The following GRIA2 variants were observed in gnomAD, a reference collection of about 807,000 sequenced individuals.
GRIA2 encodes glutamate ionotropic receptor AMPA type subunit 2.
A neutral mutation model predicts 97.3 loss-of-function variants in GRIA2; 14 were observed. The observed-to-expected ratio is 0.14, with a 90% CI of 0.10 to 0.23. GRIA2 has a LOEUF of 0.23. Ranked by LOEUF, GRIA2 falls within the 10% of genes least tolerant of loss-of-function variation. The pLI is 1.00. For synonymous variants in GRIA2, 412 were observed against 387.8 expected (o/e 1.06, Z -0.73); for missense variants, 558 against 1,069.8 (o/e 0.52, Z 6.67).
chr4:157,262,069 C>T (rs558724036), intron 2 of GRIA2, among the ~76,000 whole-genome samples: 57 of 152,070 alleles, frequency 3.7e-4, no homozygotes, highest in South Asian at 1.7e-3. Flanking sequence ...CCTTTAAGAA[C>T]TTGTTAATTT....
At chr4:157,356,065 ATATTTATATTTATT>A (rs2126988068) in intron 12 of GRIA2, among the ~76,000 whole-genome samples, 1 of 88,624 alleles carries the variant, frequency 1.1e-5, no homozygotes, top group East Asian at 3.6e-4. Context: ...ATATATTTAT[ATATTTATATTTATT>A]TATTTATATA....
chr4:157,345,048 G>A (rs1735710711), intron 12 of GRIA2, among the ~76,000 whole-genome samples: 1 of 151,958 alleles, frequency 6.6e-6, no homozygotes, highest in African/African-American at 2.4e-5. Flanking sequence ...CTGACATGAT[G>A]TTTTTCTTTC....
At chr4:157,354,497 C>T (rs942844638) in intron 12 of GRIA2, among the ~76,000 whole-genome samples, 1 of 152,078 alleles carries the variant, frequency 6.6e-6, no homozygotes, top group South Asian at 2.1e-4. Flanking sequence ...ATTAATAACA[C>T]AAAACCATGG....
At chr4:157,287,806 T>G (rs989469323) in intron 2 of GRIA2, among the ~76,000 whole-genome samples, 4 of 151,714 alleles carry the variant, frequency 2.6e-5, no homozygotes, top group Non-Finnish European at 5.9e-5. Context: ...TTTTCTCCGA[T>G]GAGCCATTAA....
intron 11 of GRIA2, among the ~76,000 whole-genome samples, chr4:157,337,981 G>A (rs1211905743): frequency 1.5e-5 from 2 of 136,846 alleles, no homozygotes; most frequent in Non-Finnish European, 3.1e-5. Flanking sequence ...AATTTGCACA[G>A]CATGACATAT....
At chr4:157,221,511 G>C in intron 1 of GRIA2, 156 bp from the exon 2 acceptor site, 1 of 756,914 alleles carries the variant, frequency 1.3e-6, no homozygotes, top group Non-Finnish European at 2.2e-6. Context: ...GCTAGCTTTT[G>C]GATATTCCAC....
chr4:157,280,824 G>T (rs1342040444), intron 2 of GRIA2, among the ~76,000 whole-genome samples: 2 of 151,890 alleles, frequency 1.3e-5, no homozygotes, highest in African/African-American at 4.8e-5. Flanking sequence ...TTACATGCAG[G>T]CATAAATAAC....
intron 2 of GRIA2, among the ~76,000 whole-genome samples, chr4:157,244,143 G>A (rs1163999702): frequency 6.6e-6 from 1 of 151,898 alleles, no homozygotes; most frequent in Admixed American, 6.6e-5. Context: ...CCCTGGTAGA[G>A]GGAACTAAAT....
chr4:157,310,633 A>G (rs568325883), intron 3 of GRIA2, among the ~76,000 whole-genome samples: 39 of 152,172 alleles, frequency 2.6e-4, no homozygotes, highest in Admixed American at 1.0e-3. Context: ...TATTTTAAAT[A>G]TAATGGTAAT....
intron 6 of GRIA2, among the ~76,000 whole-genome samples, chr4:157,329,716 A>G (rs1198304336): frequency 1.3e-5 from 2 of 151,930 alleles, no homozygotes; most frequent in Non-Finnish European, 2.9e-5. Context: ...AATAACTTAC[A>G]TATATAACAT....
At chr4:157,295,326 A>G (rs897948242) in intron 2 of GRIA2, among the ~76,000 whole-genome samples, 1 of 152,172 alleles carries the variant, frequency 6.6e-6, no homozygotes, top group African/African-American at 2.4e-5. Flanking sequence ...GTGAAACATT[A>G]GATCAAAACG....
intron 2 of GRIA2, among the ~76,000 whole-genome samples, chr4:157,229,652 G>T (rs757719395): frequency 2.0e-5 from 3 of 151,896 alleles, no homozygotes; most frequent in Non-Finnish European, 4.4e-5. Flanking sequence ...TATATTTATG[G>T]TTATGTTAAT....
At chr4:157,350,126 T>C (rs1465098602) in intron 12 of GRIA2, among the ~76,000 whole-genome samples, 1 of 152,172 alleles carries the variant, frequency 6.6e-6, no homozygotes, top group Non-Finnish European at 1.5e-5. Flanking sequence ...TCAAAACTTG[T>C]ATCCTAAGTA....
rs1164773688 is a variant in GRIA2, at chr4:157,321,516, G to C, written c.799G>C (p.Asp267His). The C allele has an allele frequency of 1.2e-6, 2 of 1,606,368 alleles. No homozygotes were observed. Among genetic ancestry groups the C allele is most frequent in the Non-Finnish European group, 8.5e-7 (1 of 1,173,070 alleles). Residue 267 changes from aspartate (D) to histidine (H), a missense_variant, in exon 6 of 16, where the codon GAT becomes CAT. Around this residue, in one of 8 missense-constraint regions of GRIA2, gnomAD observed 173 missense variants for 209.1 expected, o/e 0.83. Coordinates refer to ENST00000264426, the MANE Select transcript of GRIA2 (RefSeq NM_001083619.3). ...TGGATTTCAGATAGTGGACTATGAT[G>C]ATTCGTTGGTATCTAAATTTATAGA... is the stretch of plus-strand genomic sequence containing the variant. ...VSGFQIVDYD[D>H]SLVSKFIERW...
intron 2 of GRIA2, among the ~76,000 whole-genome samples, chr4:157,255,240 G>A (rs1285600710): frequency 2.0e-5 from 3 of 150,650 alleles, no homozygotes; most frequent in East Asian, 2.0e-4. Context: ...TGCAAAACAC[G>A]ATTTCATTCT....
At chr4:157,360,983 C>T in intron 13 of GRIA2, 27 bp from the exon 14 acceptor site, 3 of 1,523,682 alleles carry the variant, frequency 2.0e-6, no homozygotes, top group East Asian at 4.5e-5. Flanking sequence ...CTCACCCTGT[C>T]TGACAAGTAT....
intron 12 of GRIA2, among the ~76,000 whole-genome samples, chr4:157,355,892 T>A (rs1485879845): frequency 7.0e-5 from 1 of 14,342 alleles, no homozygotes; most frequent in Admixed American, 2.0e-3. Flanking sequence ...TATTAATATA[T>A]TTATATATAA....
intron 2 of GRIA2, among the ~76,000 whole-genome samples, chr4:157,256,246 A>T (rs1250455498): frequency 2.1e-4 from 17 of 82,230 alleles, no homozygotes; most frequent in African/African-American, 6.6e-4. Flanking sequence ...ATATATATAT[A>T]ATATATAAAT....
intron 9 of GRIA2, 180 bp from the exon 10 acceptor site, chr4:157,335,491 C>G: frequency 3.4e-6 from 2 of 587,654 alleles, no homozygotes; most frequent in Non-Finnish European, 6.1e-6. Context: ...ATAGACATTC[C>G]GAGGCTTTCT....
Sources: allele counts gnomAD v4.1 joint callset (sites outside exome capture counted in the v4.1 genomes callset), GRCh38; gene constraint gnomAD v4.1.1; regional missense constraint gnomAD v4.1.1; transcripts MANE v1.5; gene names NCBI Gene and HGNC (gene_info 2026-07-23, HGNC 2026-07-21).